WDR35: variants seen among roughly 807,000 people sequenced by gnomAD.
The protein encoded by WDR35 is WD repeat domain 35, also known as WD repeat-containing protein 35.
WDR35 carries 118 observed loss-of-function variants against 158.3 expected under a neutral mutation model. The observed-to-expected ratio is 0.75, with a 90% CI of 0.64 to 0.87. The LOEUF is 0.87. Among genes scored for constraint, WDR35 ranks in the 40% least tolerant of loss-of-function variants. The probability of loss-of-function intolerance (pLI) is 0.00; values close to 1 mark genes in which losing one functional copy is unlikely to be tolerated. For synonymous variants in WDR35, 448 were observed against 476.1 expected (o/e 0.94, Z 0.77); for missense variants, 1,263 against 1,405.8 (o/e 0.90, Z 1.62).
At chr2:19,968,067 A>T (rs142679100) in intron 9 of WDR35, among the ~76,000 whole-genome samples, 188 of 152,190 alleles carry the variant, frequency 1.2e-3, no homozygotes, top group African/African-American at 4.4e-3. Flanking sequence ...GTACTGGTCA[A>T]GTATTTTGTA....
chr2:19,965,914 T>C (rs1217390046), intron 10 of WDR35, among the ~76,000 whole-genome samples: 1 of 152,226 alleles, frequency 6.6e-6, no homozygotes, highest in Non-Finnish European at 1.5e-5. Flanking sequence ...GTTGCCTCTG[T>C]TTTCTCCCTG....
In WDR35 at chr2:19,936,281, A is replaced by T. The variant is rs771127793; in HGVS notation, c.2352T>A (p.Asp784Glu). ...TGTTGGCTTGTTCCAGGAGACTGTC[A>T]TCTGCATCACCAGATCCAGTTTTCA... ...QLLKTGSGDA[D>E]DSLLEQANNA... The change falls in exon 20 of 27, where the codon GAT becomes GAA. Residue 784 changes from aspartate to glutamate, a missense_variant. Coordinates refer to ENST00000281405, the MANE Select transcript of WDR35 (RefSeq NM_020779.4). The T allele has an allele frequency of 6.2e-7, 1 of 1,614,098 alleles. No individual in the cohort carries two copies. The highest frequency in any genetic ancestry group is 8.5e-7 in the Non-Finnish European group (1 of 1,179,964).
chr2:19,979,804 C>CACACACAT (rs1336433029), intron 4 of WDR35, among the ~76,000 whole-genome samples: 2 of 150,462 alleles, frequency 1.3e-5, no homozygotes, highest in African/African-American at 5.0e-5. Context: ...CACACACACA[C>CACACACAT]ACTTTTTAAA....
intron 24 of WDR35, 60 bp downstream of exon 24, chr2:19,931,207 TTC>T: frequency 6.4e-7 from 1 of 1,557,288 alleles, no homozygotes. Flanking sequence ...GTTTAATAGT[TTC>T]TTTTTTTTTT....
intron 4 of WDR35, 67 bp downstream of exon 4, chr2:19,980,624 C>A (rs562719220): frequency 7.8e-7 from 1 of 1,282,674 alleles, no homozygotes; most frequent in African/African-American, 1.5e-5. Flanking sequence ...GTTATTTACC[C>A]ATCCAAATAC....
Position 19,937,796 on chromosome 2 carries a change from GC to G in WDR35, c.2213del (p.Gly738AlafsTer27), listed in dbSNP as rs1410226605. ...SESMKQAEVV[G>X]YFGRFEEAER... ...CAGCCTCTTCAAACCTGCCGAAGTA[GC>G]CAACAACTTCAGCCTGTTTCATTGA... On this transcript the variant is annotated frameshift_variant, in exon 19 of 27. Coordinates refer to ENST00000281405, the MANE Select transcript of WDR35 (RefSeq NM_020779.4). LOFTEE classifies it high-confidence loss of function. The G allele has an allele frequency of 6.2e-7, 1 of 1,614,000 alleles. No homozygotes were observed. Among genetic ancestry groups the G allele is most frequent in the Non-Finnish European group, 8.5e-7 (1 of 1,180,010 alleles).
At chr2:19,933,373 T>C (rs766299618) in intron 22 of WDR35, 28 bp downstream of exon 22, 3 of 1,575,480 alleles carry the variant, frequency 1.9e-6, no homozygotes, top group East Asian at 2.2e-5. Flanking sequence ...GACAATAAGC[T>C]GCACAGACAG....
At chr2:19,924,230 C>T (rs1478320844) in intron 25 of WDR35, among the ~76,000 whole-genome samples, 1 of 152,072 alleles carries the variant, frequency 6.6e-6, no homozygotes, top group Non-Finnish European at 1.5e-5. Flanking sequence ...CCAAAAGAAC[C>T]ATATGTGGAT....
chr2:19,919,144 G>A (rs1670080650), intron 25 of WDR35, among the ~76,000 whole-genome samples: 1 of 152,070 alleles, frequency 6.6e-6, no homozygotes, highest in Admixed American at 6.6e-5. Flanking sequence ...ACTTTCGGAG[G>A]CCAAGGCGGG....
intron 11 of WDR35, among the ~76,000 whole-genome samples, chr2:19,957,831 G>A (rs1671498232): frequency 6.6e-6 from 1 of 152,176 alleles, no homozygotes; most frequent in African/African-American, 2.4e-5. Context: ...GGGATTACAG[G>A]AGTGAGCCAC....
intron 24 of WDR35, 75 bp downstream of exon 24, chr2:19,931,194 G>T (rs1476607469): frequency 4.6e-6 from 7 of 1,517,470 alleles, no homozygotes; most frequent in Non-Finnish European, 6.2e-6. Context: ...ATCCATAAAA[G>T]AAGTTTAATA....
intron 2 of WDR35, among the ~76,000 whole-genome samples, chr2:19,984,888 A>T (rs1288054606): frequency 1.3e-5 from 2 of 152,224 alleles, no homozygotes; most frequent in Non-Finnish European, 2.9e-5. Flanking sequence ...TTTGCAACAC[A>T]TAAGGATAAT....
At chr2:19,960,988 T>C (rs995616411) in intron 10 of WDR35, among the ~76,000 whole-genome samples, 5 of 152,158 alleles carry the variant, frequency 3.3e-5, no homozygotes, top group African/African-American at 1.2e-4. Flanking sequence ...TGCATCAAAA[T>C]AAACGTGCAC....
At chr2:19,944,640 C>G (rs1670990014) in intron 16 of WDR35, among the ~76,000 whole-genome samples, 1 of 152,138 alleles carries the variant, frequency 6.6e-6, no homozygotes, top group African/African-American at 2.4e-5. Flanking sequence ...TGCAGCAGCC[C>G]TGAATCTGAA....
At chr2:19,966,588 T>C in intron 10 of WDR35, 136 bp downstream of exon 10, 1 of 954,900 alleles carries the variant, frequency 1.0e-6, no homozygotes, top group Non-Finnish European at 1.6e-6. Context: ...TTTTCCAAAA[T>C]TGGTCTAGAC....
intron 8 of WDR35, 139 bp downstream of exon 8, chr2:19,973,420 CAACA>C: frequency 1.2e-6 from 1 of 814,146 alleles, no homozygotes; most frequent in Non-Finnish European, 1.8e-6. Context: ...TGATAAAATA[CAACA>C]AAGATTTATA....
chr2:19,988,235 G>GT (rs1208171257), intron 2 of WDR35, among the ~76,000 whole-genome samples: 3 of 152,160 alleles, frequency 2.0e-5, no homozygotes, highest in African/African-American at 7.2e-5. Context: ...GATTGTGAAG[G>GT]TTAAACATCC....
chr2:19,935,792 T>C (rs1157378853), intron 20 of WDR35, among the ~76,000 whole-genome samples, 189 bp from the exon 21 acceptor site: 1 of 152,154 alleles, frequency 6.6e-6, no homozygotes, highest in Admixed American at 6.6e-5. Flanking sequence ...AGTTGTAACA[T>C]TCCTTGACTA....
intron 11 of WDR35, among the ~76,000 whole-genome samples, chr2:19,955,005 T>C (rs922562506): frequency 1.3e-5 from 2 of 152,134 alleles, no homozygotes; most frequent in South Asian, 4.1e-4. Flanking sequence ...CAGGCTGGAG[T>C]GCAGTGGTGT....
Sources: allele counts gnomAD v4.1 joint callset (sites outside exome capture counted in the v4.1 genomes callset), GRCh38; gene constraint gnomAD v4.1.1; transcripts MANE v1.5; gene names NCBI Gene and HGNC (gene_info 2026-07-23, HGNC 2026-07-21).